The following FHIT variants were observed in gnomAD, a reference collection of about 807,000 sequenced individuals.
FHIT encodes the protein fragile histidine triad diadenosine triphosphatase.
A neutral mutation model predicts 17.9 loss-of-function variants in FHIT; 19 were observed. That is an observed-to-expected ratio of 1.06 (90% CI 0.74 to 1.56). FHIT has a LOEUF of 1.56. FHIT is among the 40% of genes most tolerant of loss of function. FHIT has a pLI of 0.00. For synonymous variants in FHIT, 81 were observed against 69.7 expected (o/e 1.16, Z -0.81); for missense variants, 248 against 189.2 (o/e 1.31, Z -1.82).
At chr3:60,256,605 A>T (rs1191386509) in intron 5 of FHIT, among the ~76,000 whole-genome samples, 2 of 152,168 alleles carry the variant, frequency 1.3e-5, no homozygotes, top group Admixed American at 1.3e-4. Flanking sequence ...GCCAAATCCA[A>T]ATACCAGTCA....
chr3:60,419,003 A>G (rs1207417946), intron 5 of FHIT, among the ~76,000 whole-genome samples: 1 of 152,172 alleles, frequency 6.6e-6, no homozygotes, highest in Non-Finnish European at 1.5e-5. Context: ...AATGGGAAGT[A>G]CCTATCCCAA....
chr3:61,069,754 G>A (rs1459341886), intron 2 of FHIT, among the ~76,000 whole-genome samples: 1 of 152,174 alleles, frequency 6.6e-6, no homozygotes, highest in African/African-American at 2.4e-5. Context: ...CATAGTATAT[G>A]TTCAGGAAGA....
At chr3:60,801,342 C>T (rs1244149155) in intron 4 of FHIT, among the ~76,000 whole-genome samples, 3 of 152,206 alleles carry the variant, frequency 2.0e-5, no homozygotes, top group Admixed American at 1.3e-4. Context: ...CTTCAGGTCA[C>T]ACTTGCCCTA....
At chr3:59,851,230 G>C (rs1341105870) in intron 8 of FHIT, among the ~76,000 whole-genome samples, 1 of 152,070 alleles carries the variant, frequency 6.6e-6, no homozygotes, top group Non-Finnish European at 1.5e-5. Flanking sequence ...GCTCAAAAAC[G>C]ATCAGAGCTC....
chr3:61,166,533 A>T (rs1366761132), intron 2 of FHIT, among the ~76,000 whole-genome samples: 2 of 152,278 alleles, frequency 1.3e-5, no homozygotes, highest in Admixed American at 1.3e-4. Flanking sequence ...AGCAGGCTGT[A>T]TTTTTTTAAC....
Position 59,913,499 on chromosome 3 carries a change from T to A in FHIT, c.348+8847A>T, listed in dbSNP as rs78460900. Reference sequence around the variant, plus strand: ...TTTAGTTTCAATTCAATGGTATGAATGATATGCTTGGCACCTAGCAGACAG... The same window carrying A: ...TTTAGTTTCAATTCAATGGTATGAAAGATATGCTTGGCACCTAGCAGACAG... On this transcript the variant is annotated intron_variant, in intron 8 of 9. Coordinates refer to ENST00000492590, the MANE Select transcript of FHIT (RefSeq NM_002012.4). Among the ~76,000 whole-genome samples, 141 of 152,302 alleles carry A rather than the reference T, an allele frequency of 9.3e-4. 4 individuals are homozygous for A. In the East Asian group the frequency reaches 0.025, roughly 27 times the overall value.
At chr3:60,124,001 TATATATATAGAG>T (rs1705398626) in intron 5 of FHIT, among the ~76,000 whole-genome samples, 10 of 27,950 alleles carry the variant, frequency 3.6e-4, no homozygotes, top group African/African-American at 1.2e-3. Context: ...TATATATATA[TATATATATAGAG>T]AGAGAGAGAG....
At chr3:60,296,973 G>A (rs1391657466) in intron 5 of FHIT, among the ~76,000 whole-genome samples, 1 of 150,274 alleles carries the variant, frequency 6.7e-6, no homozygotes, top group East Asian at 2.0e-4. Context: ...TCTGTTTCTG[G>A]GTTCTCTATT....
At chr3:60,106,055 T>A (rs937025354) in intron 5 of FHIT, among the ~76,000 whole-genome samples, 1 of 152,224 alleles carries the variant, frequency 6.6e-6, no homozygotes, top group Non-Finnish European at 1.5e-5. Context: ...TCTCTCACTC[T>A]GTCTCTTCTG....
chr3:60,347,942 A>G (rs1710879646), intron 5 of FHIT, among the ~76,000 whole-genome samples: 1 of 151,890 alleles, frequency 6.6e-6, no homozygotes, highest in African/African-American at 2.4e-5. Flanking sequence ...CATTTTTACT[A>G]AAGACGAGGT....
At chr3:59,903,876 C>T (rs958778920) in intron 8 of FHIT, among the ~76,000 whole-genome samples, 4 of 151,992 alleles carry the variant, frequency 2.6e-5, no homozygotes, top group African/African-American at 9.7e-5. Flanking sequence ...AAGCATAGGC[C>T]AAGATGTTTG....
At chr3:59,816,269 C>G (rs932569693) in intron 8 of FHIT, among the ~76,000 whole-genome samples, 3 of 152,166 alleles carry the variant, frequency 2.0e-5, no homozygotes, top group Non-Finnish European at 4.4e-5. Context: ...ATATGTGACA[C>G]CTGGCACACA....
At chr3:61,233,393 G>A (rs547498699) in intron 1 of FHIT, among the ~76,000 whole-genome samples, 3 of 152,260 alleles carry the variant, frequency 2.0e-5, no homozygotes, top group South Asian at 4.1e-4. Flanking sequence ...AAACTACACT[G>A]TAAAACATAT....
At chr3:60,569,757 T>TACATATATATATATATATATATATA (rs1449802542) in intron 4 of FHIT, among the ~76,000 whole-genome samples, 3 of 21,692 alleles carry the variant, frequency 1.4e-4, no homozygotes, top group Non-Finnish European at 2.7e-4. Flanking sequence ...ATATATATAT[T>TACATATATATATATATATATATATA]TTTTTTTTTT....
At chr3:60,179,240 C>T (rs567564508) in intron 5 of FHIT, among the ~76,000 whole-genome samples, 1 of 152,150 alleles carries the variant, frequency 6.6e-6, no homozygotes, top group African/African-American at 2.4e-5. Flanking sequence ...GAAGAGAAAA[C>T]CAAAGTTCAT....
At chr3:60,012,081 G>A (rs189076639) in intron 6 of FHIT, among the ~76,000 whole-genome samples, 1 of 152,144 alleles carries the variant, frequency 6.6e-6, no homozygotes, top group African/African-American at 2.4e-5. Flanking sequence ...TGCAACTTTA[G>A]CCAGGTTTGT....
intron 5 of FHIT, among the ~76,000 whole-genome samples, chr3:60,233,151 T>G (rs985658208): frequency 6.6e-6 from 1 of 152,182 alleles, no homozygotes; most frequent in African/African-American, 2.4e-5. Flanking sequence ...TATTTTCATA[T>G]CTTATAACAT....
chr3:60,319,618 T>G (rs1316138409), intron 5 of FHIT, among the ~76,000 whole-genome samples: 1 of 152,090 alleles, frequency 6.6e-6, no homozygotes, highest in African/African-American at 2.4e-5. Flanking sequence ...ATACAGAAAT[T>G]TGTCTCATGA....
intron 4 of FHIT, among the ~76,000 whole-genome samples, chr3:60,551,022 G>A (rs1485025310): frequency 1.3e-5 from 2 of 152,132 alleles, no homozygotes; most frequent in Non-Finnish European, 2.9e-5. Flanking sequence ...TCTGCGAGTT[G>A]AATGATAAGA....
Sources: allele counts gnomAD v4.1 joint callset (sites outside exome capture counted in the v4.1 genomes callset), GRCh38; gene constraint gnomAD v4.1.1; transcripts MANE v1.5; gene names NCBI Gene and HGNC (gene_info 2026-07-23, HGNC 2026-07-21).